Variants in FOXP1 observed in about 807,000 individuals in gnomAD.
The protein encoded by FOXP1 is forkhead box protein P1.
Under a neutral mutation model 98.2 loss-of-function variants are expected in FOXP1, and 15 were observed. The observed-to-expected ratio is 0.15, with a 90% confidence interval of 0.10 to 0.24. The LOEUF (loss-of-function observed/expected upper bound fraction) is 0.24, where lower values mean the gene tolerates loss of function less well. FOXP1 is among the 10% of genes least tolerant of loss of function. The pLI is 1.00. For synonymous variants in FOXP1, 371 were observed against 314.5 expected (o/e 1.18, Z -1.90); for missense variants, 633 against 848.5 (o/e 0.75, Z 3.15).
At chr3:71,300,900 T>A (rs1465720734) in intron 4 of FOXP1, among the ~76,000 whole-genome samples, 1 of 152,204 alleles carries the variant, frequency 6.6e-6, no homozygotes, top group African/African-American at 2.4e-5. Flanking sequence ...CAGCCCTGAA[T>A]GTGGAAAGGC....
intron 5 of FOXP1, among the ~76,000 whole-genome samples, chr3:71,243,563 C>T (rs1337888250): frequency 1.3e-5 from 2 of 152,198 alleles, no homozygotes; most frequent in East Asian, 1.9e-4. Context: ...TCACTTTTAA[C>T]GTGGTTTGAA....
chr3:71,371,636 A>T (rs879475231), intron 3 of FOXP1, among the ~76,000 whole-genome samples: 1 of 152,118 alleles, frequency 6.6e-6, no homozygotes, highest in Non-Finnish European at 1.5e-5. Context: ...AAATTTAAAA[A>T]ATTACGCAGG....
chr3:71,476,727 C>T (rs559160899), intron 3 of FOXP1, among the ~76,000 whole-genome samples: 50 of 150,142 alleles, frequency 3.3e-4, no homozygotes, highest in African/African-American at 1.2e-3. Flanking sequence ...TGGTCTCAAA[C>T]TCCTGGCGTC....
At chr3:71,322,412 C>T (rs1202451401) in intron 4 of FOXP1, among the ~76,000 whole-genome samples, 1 of 152,286 alleles carries the variant, frequency 6.6e-6, no homozygotes, top group East Asian at 1.9e-4. Flanking sequence ...ATTTTCATCA[C>T]TGCAGAAAGT....
chr3:71,037,196 T>G (rs1476774523), intron 11 of FOXP1, among the ~76,000 whole-genome samples: 1 of 152,178 alleles, frequency 6.6e-6, no homozygotes, highest in Non-Finnish European at 1.5e-5. Flanking sequence ...AGGAACTGAT[T>G]AAATGTGAGT....
At position 71,358,312 on chromosome 3, in the gene FOXP1, C is replaced by T. The variant is rs12633912; in HGVS notation, c.-73+838G>A. On this transcript the variant is annotated intron_variant, in intron 4 of 20. Coordinates refer to ENST00000649528, the MANE Select transcript of FOXP1 (RefSeq NM_001349338.3). ...GATACTAAAAAGAAAGACATTTCAACAGCTAGTCCATCAACTGTAAAATAG... is the reference window on the plus strand; with the variant it reads ...GATACTAAAAAGAAAGACATTTCAATAGCTAGTCCATCAACTGTAAAATAG... Among the ~76,000 whole-genome samples the T allele has an allele frequency of 2.9e-3, 438 of 152,292 alleles. 18 individuals carry two copies. The East Asian group carries it at 0.073, about 25-fold the overall frequency.
chr3:71,306,631 CAAAAAAAAAAA>C (rs66479255), intron 4 of FOXP1, among the ~76,000 whole-genome samples: 685 of 42,934 alleles, frequency 0.016, 38 homozygotes, highest in South Asian at 0.016. Flanking sequence ...GAGAATAAGC[CAAAAAAAAAAA>C]AAAAAAAAAA....
chr3:71,394,788 T>G (rs1478078964), intron 3 of FOXP1, among the ~76,000 whole-genome samples: 3 of 152,128 alleles, frequency 2.0e-5, no homozygotes, highest in Non-Finnish European at 4.4e-5. Context: ...CCTTTCACTA[T>G]TATGGCTCTT....
At chr3:71,225,421 A>G (rs1576464818) in intron 5 of FOXP1, among the ~76,000 whole-genome samples, 1 of 152,358 alleles carries the variant, frequency 6.6e-6, no homozygotes, top group East Asian at 1.9e-4. Context: ...TAGGATAATA[A>G]AAGCATGTTA....
intron 6 of FOXP1, among the ~76,000 whole-genome samples, chr3:71,137,799 T>TA (rs2059895305): frequency 7.2e-6 from 1 of 138,278 alleles, no homozygotes; most frequent in Non-Finnish European, 1.6e-5. Flanking sequence ...TTTATTATTA[T>TA]TTTTTTTTTT....
intron 2 of FOXP1, among the ~76,000 whole-genome samples, chr3:71,530,680 G>C (rs2043768486): frequency 6.6e-6 from 1 of 152,218 alleles, no homozygotes; most frequent in African/African-American, 2.4e-5. Context: ...ACTGTGTTAA[G>C]CCCTTTCTAA....
At chr3:71,099,220 C>T (rs1194499962) in intron 7 of FOXP1, among the ~76,000 whole-genome samples, 1 of 152,138 alleles carries the variant, frequency 6.6e-6, no homozygotes, top group Non-Finnish European at 1.5e-5. Flanking sequence ...CCTTTAAAAA[C>T]AGCTTTTAGG....
At chr3:71,555,742 C>T (rs534211660) in intron 2 of FOXP1, among the ~76,000 whole-genome samples, 3 of 152,056 alleles carry the variant, frequency 2.0e-5, no homozygotes, top group Admixed American at 2.0e-4. Flanking sequence ...GGAAATAAGC[C>T]CTACATTAAA....
At chr3:71,346,734 T>C (rs1321090766) in intron 4 of FOXP1, among the ~76,000 whole-genome samples, 2 of 152,128 alleles carry the variant, frequency 1.3e-5, no homozygotes, top group African/African-American at 4.8e-5. Context: ...AGGGTTCTCT[T>C]GCTCTATTAG....
At chr3:71,358,640 G>A (rs895698531) in intron 4 of FOXP1, among the ~76,000 whole-genome samples, 1 of 152,144 alleles carries the variant, frequency 6.6e-6, no homozygotes, top group African/African-American at 2.4e-5. Flanking sequence ...CAGACGGAGT[G>A]GTACCCAGCG....
rs1401357215 is a variant in FOXP1 at position 70,958,502 on chromosome 3, G to A, written c.*745C>T. The A allele has an allele frequency of 2.6e-6, 1 of 377,502 alleles. No individual in the cohort carries two copies. Among genetic ancestry groups the A allele is most frequent in the Non-Finnish European group, 5.1e-6 (1 of 196,456 alleles). The allele number at this position is 377,502 out of a possible 1,614,324, so 23.4% of individuals were successfully genotyped here. On this transcript the variant is annotated 3_prime_UTR_variant, in exon 21 of 21. Coordinates refer to ENST00000649528, the MANE Select transcript of FOXP1 (RefSeq NM_001349338.3). ...TGACAGAAAGCTACAAACGAGAAAT[G>A]ACATTCAGCTTTGTATAATAAAAAC...
chr3:71,094,940 A>C (rs2056308790), intron 7 of FOXP1, among the ~76,000 whole-genome samples: 1 of 152,220 alleles, frequency 6.6e-6, no homozygotes. Flanking sequence ...ATCCTGATCT[A>C]CATAAGAGTT....
chr3:71,156,033 C>T (rs934360114), intron 6 of FOXP1, among the ~76,000 whole-genome samples: 3 of 152,202 alleles, frequency 2.0e-5, no homozygotes, highest in African/African-American at 7.2e-5. Context: ...GGGGTTCTCA[C>T]TGATTGCCTG....
chr3:71,582,756 G>A (rs1484207827), intron 1 of FOXP1: 3 of 985,296 alleles, frequency 3.0e-6, no homozygotes, highest in African/African-American at 1.7e-5. Context: ...GGCCGAGCGC[G>A]CGTAGGGGTG....
Sources: gnomAD v4.1 joint callset for allele counts (sites outside exome capture counted in the v4.1 genomes callset) on GRCh38, gnomAD v4.1.1 for gene constraint, MANE v1.5 for transcripts, NCBI Gene and HGNC (gene_info 2026-07-23, HGNC 2026-07-21) for gene names.